The following DSG3 variants were observed in gnomAD, a reference collection of about 807,000 sequenced individuals.
The protein encoded by DSG3 is desmoglein-3.
DSG3 carries 63 observed loss-of-function variants against 85.9 expected under a neutral mutation model. The ratio of observed to expected loss-of-function variants is 0.73; its 90% CI spans 0.60 to 0.90. The LOEUF is 0.90. Among genes scored for constraint, DSG3 ranks in the 40% least tolerant of loss-of-function variants. The pLI is 0.00. For synonymous variants in DSG3, 447 were observed against 441.9 expected (o/e 1.01, Z -0.14); for missense variants, 1,220 against 1,219.9 (o/e 1.00, Z 0.00).
At chr18:31,475,467 T>C (rs1041499777) in intron 15 of DSG3, among the ~76,000 whole-genome samples, 179 bp from the exon 16 acceptor site, 20 of 152,232 alleles carry the variant, frequency 1.3e-4, no homozygotes, top group African/African-American at 3.6e-4. Flanking sequence ...ATGTCAACCA[T>C]ACTGTTGTCC....
chr18:31,454,063 G>A (rs1203403369), intron 1 of DSG3, among the ~76,000 whole-genome samples: 10 of 152,060 alleles, frequency 6.6e-5, no homozygotes, highest in Admixed American at 3.9e-4. Flanking sequence ...TCTAAATAAT[G>A]TAAGGCTGTG....
chr18:31,465,184 C>G, intron 9 of DSG3, 134 bp from the exon 10 acceptor site: 1 of 613,712 alleles, frequency 1.6e-6, no homozygotes, highest in Non-Finnish European at 2.4e-6. Flanking sequence ...TTTTCTGTTG[C>G]TTTTTATAAA....
Position 31,458,431 on chromosome 18 carries a change from A to G in DSG3, c.217-14A>G. ...TGATGGTCACCTCAACGTTTTTGGT[A>G]TTTGGGGCTGTAGATTACTTCAGAT... is the stretch of plus-strand genomic sequence containing the variant. On this transcript the variant is annotated splice_polypyrimidine_tract_variant and intron_variant, in intron 3 of 15. Transcript: ENST00000257189. 6.2e-7 allele frequency: 1 copy of G among 1,612,286 alleles called. No homozygotes were observed. Among genetic ancestry groups the G allele is most frequent in the Non-Finnish European group, 8.5e-7 (1 of 1,179,032 alleles).
chr18:31,463,748 G>A (rs561709983), intron 8 of DSG3, among the ~76,000 whole-genome samples: 46 of 152,184 alleles, frequency 3.0e-4, no homozygotes, highest in African/African-American at 1.1e-3. Flanking sequence ...GAGAGTTGAG[G>A]ATCAGAGAAA....
intron 15 of DSG3, among the ~76,000 whole-genome samples, chr18:31,474,715 A>T (rs2072876489): frequency 6.6e-6 from 1 of 152,124 alleles, no homozygotes; most frequent in African/African-American, 2.4e-5. Context: ...TGATGGCACC[A>T]CTGCACTCCA....
rs752776562 is a variant in DSG3 at position 31,474,108 on chromosome 18, C to T, written c.2102-13C>T. ...AGCATAAGATATTACAGAATGTTCT[C>T]CCTTGTTTTTAGAAGTTTGTACAAA... is the stretch of plus-strand genomic sequence containing the variant. On this transcript the variant is annotated splice_polypyrimidine_tract_variant and intron_variant, in intron 14 of 15. Coordinates refer to ENST00000257189, the MANE Select transcript of DSG3 (RefSeq NM_001944.3). 1.2e-6 allele frequency: 2 copies of T among 1,604,544 alleles called. No homozygotes were observed. The highest frequency in any genetic ancestry group is 1.7e-5 in the Admixed American group (1 of 59,668).
At chr18:31,462,720 T>C (rs1430058359) in intron 8 of DSG3, among the ~76,000 whole-genome samples, 1 of 152,204 alleles carries the variant, frequency 6.6e-6, no homozygotes, top group African/African-American at 2.4e-5. Flanking sequence ...CCTTACTGCC[T>C]GTGCCCTGGC....
chr18:31,450,103 A>G (rs1469160134), intron 1 of DSG3, among the ~76,000 whole-genome samples: 2 of 152,160 alleles, frequency 1.3e-5, no homozygotes, highest in African/African-American at 4.8e-5. Context: ...TGTGGTTCGC[A>G]TTTGTGGTTT....
rs1222894530 is a variant in DSG3 at position 31,475,752 on chromosome 18, T to G, written c.2492T>G (p.Val831Gly). Residue 831 changes from valine (V) to glycine (G), a missense_variant, in exon 16 of 16, where the codon GTG becomes GGG. Physicochemically the swap from Val to Gly is moderately radical, Grantham distance 109. Coordinates refer to ENST00000257189, the MANE Select transcript of DSG3 (RefSeq NM_001944.3). ...GCCACTGGTTCTCCTGTGGGCTCCG[T>G]GGGTTGTTGCAGTTTTATTGCTGAT... ...ADATGSPVGS[V>G]GCCSFIADDL... 1.9e-6 allele frequency: 3 copies of G among 1,614,058 alleles called. No individual in the cohort carries two copies. In the South Asian group the frequency reaches 3.3e-5, roughly 18 times the overall value.
At chr18:31,456,550 A>C in intron 2 of DSG3, 75 bp downstream of exon 2, 1 of 775,062 alleles carries the variant, frequency 1.3e-6, no homozygotes, top group Non-Finnish European at 1.8e-6. Context: ...GTTTAGTAGA[A>C]ATGAATATTT....
chr18:31,460,938 T>A lies in DSG3; in HGVS notation c.790T>A (p.Phe264Ile). The A allele has an allele frequency of 6.2e-7, 1 of 1,602,624 alleles. No homozygotes were observed. Among genetic ancestry groups the A allele is most frequent in the Non-Finnish European group, 8.5e-7 (1 of 1,177,012 alleles). The change falls in exon 7 of 16, where the codon TTC becomes ATC. Residue 264 changes from phenylalanine to isoleucine, a missense_variant. Physicochemically the swap from Phe to Ile is conservative, Grantham distance 21. Coordinates refer to ENST00000257189, the MANE Select transcript of DSG3 (RefSeq NM_001944.3). ...TAAAGTGAAAGATGTCAACGATAAC[T>A]TCCCAATGTTTAGAGACTCTCAGGT... ...NIKVKDVNDN[F>I]PMFRDSQYSA...
intron 8 of DSG3, 141 bp downstream of exon 8, chr18:31,461,553 C>T (rs529735178): frequency 9.9e-6 from 8 of 806,124 alleles, no homozygotes; most frequent in Non-Finnish European, 1.5e-5. Flanking sequence ...TTTGTAATCC[C>T]CATAGAGCCG....
intron 2 of DSG3, among the ~76,000 whole-genome samples, chr18:31,456,685 C>G: frequency 6.6e-6 from 1 of 152,076 alleles, no homozygotes; most frequent in East Asian, 1.9e-4. Context: ...TTCATGCATT[C>G]TTTTCTTCTT....
intron 1 of DSG3, among the ~76,000 whole-genome samples, chr18:31,449,647 C>T (rs542058742): frequency 5.5e-4 from 83 of 152,194 alleles, no homozygotes; most frequent in African/African-American, 1.7e-3. Flanking sequence ...ATTTAATGAG[C>T]CTTCTCTAAA....
At chr18:31,449,305 C>G (rs2072697114) in intron 1 of DSG3, among the ~76,000 whole-genome samples, 1 of 152,152 alleles carries the variant, frequency 6.6e-6, no homozygotes, top group African/African-American at 2.4e-5. Flanking sequence ...GACTTTCCCA[C>G]CTTTCCAGAT....
At chr18:31,467,586 C>G (rs1229216934) in intron 11 of DSG3, among the ~76,000 whole-genome samples, 1 of 152,140 alleles carries the variant, frequency 6.6e-6, no homozygotes, top group African/African-American at 2.4e-5. Context: ...TTCTCTTTCC[C>G]AACCTTTATC....
chr18:31,469,774 G>C (rs369791260), intron 12 of DSG3, among the ~76,000 whole-genome samples: 1 of 151,894 alleles, frequency 6.6e-6, no homozygotes, highest in Non-Finnish European at 1.5e-5. Context: ...AATACAAATA[G>C]GGTATCATAG....
chr18:31,457,583 TTCTTCTTTCTTTCTTTCTTTCTTTC>T (rs2072755073), intron 3 of DSG3, among the ~76,000 whole-genome samples: 1 of 24,914 alleles, frequency 4.0e-5, no homozygotes, highest in Non-Finnish European at 8.3e-5. Flanking sequence ...CTTTCTTTCT[TTCTTCTTTCTTTCTTTCTTTCTTTC>T]TTTCTTTCTT....
rs1395179723 is a variant in DSG3 at position 31,474,176 on chromosome 18, G to A, written c.2157G>A (p.Met719Ile). ...CAGCGGTGGAAGGCACTTCAGGAAT[G>A]GAAATGACCACTAAGCTTGGAGCAG... ...RGTAVEGTSG[M>I]EMTTKLGAAT... The change falls in exon 15 of 16, where the codon ATG becomes ATA. Residue 719 changes from methionine (M) to isoleucine (I), a missense_variant. Physicochemically the swap from Met to Ile is conservative, Grantham distance 10. Transcript: ENST00000257189. 1 of 1,614,104 alleles carries A rather than the reference G, an allele frequency of 6.2e-7. No individual in the cohort carries two copies. Among genetic ancestry groups the A allele is most frequent in the African/African-American group, 1.3e-5 (1 of 74,946 alleles).
Sources: gnomAD v4.1 joint callset for allele counts (sites outside exome capture counted in the v4.1 genomes callset) on GRCh38, gnomAD v4.1.1 for gene constraint, MANE v1.5 for transcripts, NCBI Gene and HGNC (gene_info 2026-07-23, HGNC 2026-07-21) for gene names.